Variants in C8orf34 observed in about 807,000 individuals in gnomAD.
C8orf34 encodes chromosome 8 open reading frame 34, also known as uncharacterized protein C8orf34.
A neutral mutation model predicts 68.3 loss-of-function variants in C8orf34; 65 were observed. The observed-to-expected ratio is 0.95, with a 90% CI of 0.78 to 1.17. The LOEUF (loss-of-function observed/expected upper bound fraction) is 1.17, where lower values mean the gene tolerates loss of function less well. Ranked by LOEUF, C8orf34 falls within the 50% of genes most tolerant of loss-of-function variation. C8orf34 has a pLI of 0.00. For missense variants in C8orf34, 664 were observed against 655.4 expected, an observed-to-expected ratio of 1.01 and a Z score of -0.14; for synonymous variants, 244 against 241.2, an observed-to-expected ratio of 1.01 and a Z score of -0.11.
At position 68,745,978 on chromosome 8, in the gene C8orf34, C is replaced by G. The variant is rs865921098; in HGVS notation, c.1404+24541C>G. On this transcript the variant is annotated intron_variant, in intron 10 of 13. Coordinates refer to ENST00000518698, the MANE Select transcript of C8orf34 (RefSeq NM_052958.4). ...CACCTATTCCAAAATTGACCACATACTTGGAAGTAAAGCTCTTCTCAGCAA... is the reference window on the plus strand; with the variant it reads ...CACCTATTCCAAAATTGACCACATAGTTGGAAGTAAAGCTCTTCTCAGCAA... Among the ~76,000 whole-genome samples the G allele has an allele frequency of 5.9e-3, 892 of 152,048 alleles. 12 individuals carry two copies. The highest frequency in any genetic ancestry group is 0.02 in the African/African-American group (843 of 41,416).
intron 5 of C8orf34, among the ~76,000 whole-genome samples, chr8:68,504,302 G>A (rs1244693303): frequency 6.6e-6 from 1 of 152,044 alleles, no homozygotes; most frequent in Admixed American, 6.6e-5. Flanking sequence ...TCCATTGTAG[G>A]GGTATGCCAC....
intron 7 of C8orf34, among the ~76,000 whole-genome samples, chr8:68,548,621 G>A (rs1815965662): frequency 6.6e-6 from 1 of 151,742 alleles, no homozygotes; most frequent in Admixed American, 6.6e-5. Context: ...GATGTGTTTA[G>A]CAGTGTCTCA....
chr8:68,615,684 T>C (rs1377672205), intron 7 of C8orf34, among the ~76,000 whole-genome samples: 3 of 152,152 alleles, frequency 2.0e-5, no homozygotes, highest in Admixed American at 6.6e-5. Context: ...CTGCTGGATT[T>C]AGTTTGCCAG....
intron 8 of C8orf34, among the ~76,000 whole-genome samples, chr8:68,685,915 TAAA>T (rs1348725575): frequency 2.7e-5 from 4 of 150,734 alleles, no homozygotes; most frequent in African/African-American, 4.9e-5. Flanking sequence ...AATAAATAAA[TAAA>T]TAAATGCTGA....
intron 12 of C8orf34, among the ~76,000 whole-genome samples, chr8:68,800,243 G>A (rs1824292990): frequency 6.6e-6 from 1 of 152,158 alleles, no homozygotes. Flanking sequence ...CTGGCTCTTT[G>A]CATATGTCAT....
intron 5 of C8orf34, among the ~76,000 whole-genome samples, chr8:68,501,384 C>G (rs1028487968): frequency 2.6e-5 from 4 of 152,168 alleles, no homozygotes; most frequent in African/African-American, 7.2e-5. Context: ...GGCTTCACTT[C>G]CAGCCACTGT....
intron 1 of C8orf34, among the ~76,000 whole-genome samples, chr8:68,335,665 T>A (rs1013168252): frequency 1.3e-5 from 2 of 152,226 alleles, no homozygotes; most frequent in Non-Finnish European, 2.9e-5. Context: ...TATTTTATTT[T>A]CATGCAGCTT....
In C8orf34 at chr8:68,738,619, C is replaced by T. The variant is rs1361027735; in HGVS notation, c.1404+17182C>T. ...AAAGGGGATGTTATCACTCACCCCA[C>T]AGAAATACAAATAACCATCAGATAA... On this transcript the variant is annotated intron_variant, in intron 10 of 13. Transcript: ENST00000518698. 3.3e-5 allele frequency among the ~76,000 whole-genome samples: 5 copies of T among 152,156 alleles called. 1 individual carries two copies. The East Asian group carries it at 9.7e-4, about 29-fold the overall frequency.
intron 1 of C8orf34, among the ~76,000 whole-genome samples, chr8:68,432,226 A>G (rs980194898): frequency 2.0e-5 from 3 of 150,564 alleles, no homozygotes; most frequent in Non-Finnish European, 4.4e-5. Context: ...TCTTGTATGC[A>G]ATTCTTAAAT....
At chr8:68,754,990 TGTA>T (rs1822814067) in intron 10 of C8orf34, among the ~76,000 whole-genome samples, 1 of 152,206 alleles carries the variant, frequency 6.6e-6, no homozygotes, top group Non-Finnish European at 1.5e-5. Context: ...TATTTAGCCT[TGTA>T]GGAAATTTCT....
chr8:68,460,214 G>A lies in C8orf34; in HGVS notation c.608-8478G>A, dbSNP rs188256379. Reference sequence around the variant, plus strand: ...TAGCACAGCAGTCTGAGATCAAACTGCAAGGCAGCAGCGAGGCTGGGGGAG... The same window carrying A: ...TAGCACAGCAGTCTGAGATCAAACTACAAGGCAGCAGCGAGGCTGGGGGAG... On this transcript the variant is annotated intron_variant, in intron 3 of 13. Transcript: ENST00000518698. 1.4e-3 allele frequency among the ~76,000 whole-genome samples: 213 copies of A among 152,268 alleles called. 4 individuals carry two copies. In the East Asian group the frequency reaches 0.037, roughly 26 times the overall value.
At chr8:68,388,306 C>T (rs1398937669) in intron 1 of C8orf34, among the ~76,000 whole-genome samples, 1 of 152,096 alleles carries the variant, frequency 6.6e-6, no homozygotes, top group African/African-American at 2.4e-5. Flanking sequence ...CTGTGTATTT[C>T]TGCAGAGCCC....
chr8:68,774,799 C>T (rs919822750), intron 10 of C8orf34, among the ~76,000 whole-genome samples: 6 of 151,730 alleles, frequency 4.0e-5, no homozygotes, highest in Admixed American at 6.6e-5. Context: ...TGTTGTATCT[C>T]AGTGACATAG....
chr8:68,787,555 T>C lies in C8orf34; in HGVS notation c.1549+19T>C. ...GAGAAACGTGAGTAGACACTATTGT[T>C]TATTGACAAATTTCTTTTACCAGAA... On this transcript the variant is annotated intron_variant, in intron 12 of 13. Transcript: ENST00000518698. 6.5e-7 allele frequency: 1 copy of C among 1,539,946 alleles called. No individual in the cohort carries two copies. Among genetic ancestry groups the C allele is most frequent in the Non-Finnish European group, 8.9e-7 (1 of 1,127,656 alleles).
At chr8:68,765,419 G>T (rs1169448846) in intron 10 of C8orf34, among the ~76,000 whole-genome samples, 1 of 152,152 alleles carries the variant, frequency 6.6e-6, no homozygotes, top group African/African-American at 2.4e-5. Context: ...CACCCATTAA[G>T]CAAAAGAAAT....
At chr8:68,527,977 C>T (rs573586399) in intron 6 of C8orf34, among the ~76,000 whole-genome samples, 50 of 152,268 alleles carry the variant, frequency 3.3e-4, no homozygotes, top group Admixed American at 7.2e-4. Context: ...GCTGTCTCCT[C>T]CCTAAAACAA....
intron 1 of C8orf34, among the ~76,000 whole-genome samples, chr8:68,356,826 T>A (rs1378604139): frequency 6.6e-6 from 1 of 152,124 alleles, no homozygotes; most frequent in Non-Finnish European, 1.5e-5. Context: ...TTCCCTTTAA[T>A]ATAAAAAAGA....
chr8:68,604,115 A>G (rs2130516789), intron 7 of C8orf34, among the ~76,000 whole-genome samples: 1 of 152,270 alleles, frequency 6.6e-6, no homozygotes, highest in South Asian at 2.1e-4. Context: ...TTTTCACAAG[A>G]TGAAGCGGAA....
intron 10 of C8orf34, among the ~76,000 whole-genome samples, chr8:68,763,136 A>G (rs1257927336): frequency 6.6e-6 from 1 of 152,194 alleles, no homozygotes; most frequent in Non-Finnish European, 1.5e-5. Context: ...TCATGCTACA[A>G]TAGTCTTGGA....
Sources: allele counts gnomAD v4.1 joint callset (sites outside exome capture counted in the v4.1 genomes callset), GRCh38; gene constraint gnomAD v4.1.1; transcripts MANE v1.5; gene names NCBI Gene and HGNC (gene_info 2026-07-23, HGNC 2026-07-21).